RANBP2: variants seen among roughly 807,000 people sequenced by gnomAD.
The protein encoded by RANBP2 is E3 SUMO-protein ligase RanBP2.
A neutral mutation model predicts 303.6 loss-of-function variants in RANBP2; 57 were observed. The ratio of observed to expected loss-of-function variants is 0.19; its 90% CI spans 0.15 to 0.23. RANBP2 has a LOEUF of 0.23. Among genes scored for constraint, RANBP2 ranks in the 10% least tolerant of loss-of-function variants. The pLI, the probability that RANBP2 is intolerant of heterozygous loss-of-function variation, is 1.00. For synonymous variants in RANBP2, 1,167 were observed against 1,301.5 expected (o/e 0.90, Z 2.23); for missense variants, 3,138 against 3,780.8 (o/e 0.83, Z 4.46).
chr2:109,226,479 T>C, the RANBP2 span, among the ~76,000 whole-genome samples: 1 of 152,236 alleles, frequency 6.6e-6, no homozygotes, highest in Non-Finnish European at 1.5e-5. Context: ...CCTGCTGACC[T>C]CTTAAGACAT....
chr2:109,509,186 G>A, the RANBP2 span, among the ~76,000 whole-genome samples: 1 of 152,186 alleles, frequency 6.6e-6, no homozygotes, highest in Non-Finnish European at 1.5e-5. Flanking sequence ...TCACGGAGAT[G>A]AATCCAGGCA....
At chr2:108,873,327 TATGAAAAGA>T in the RANBP2 span, 2 of 888,760 alleles carry the variant, frequency 2.3e-6, no homozygotes, top group Admixed American at 3.2e-5. Flanking sequence ...AAAATTTAAG[TATGAAAAGA>T]ATGAAAATCT....
the RANBP2 span, among the ~76,000 whole-genome samples, chr2:108,900,183 G>A: frequency 6.6e-6 from 1 of 152,188 alleles, no homozygotes; most frequent in Non-Finnish European, 1.5e-5. Flanking sequence ...ATGAAAAACA[G>A]AGACAACAAA....
the RANBP2 span, chr2:108,897,246 C>A: frequency 1.9e-6 from 3 of 1,607,766 alleles, no homozygotes. Flanking sequence ...ACACCAATGG[C>A]CACAGTTAGA....
chr2:109,222,448 C>T, the RANBP2 span, among the ~76,000 whole-genome samples: 28 of 152,058 alleles, frequency 1.8e-4, no homozygotes, highest in Non-Finnish European at 4.1e-4. Flanking sequence ...TATATGTACC[C>T]CATAAATATG....
the RANBP2 span, among the ~76,000 whole-genome samples, chr2:108,980,379 C>T: frequency 1.3e-5 from 2 of 152,232 alleles, no homozygotes; most frequent in Non-Finnish European, 2.9e-5. Context: ...CACTAATGCT[C>T]TGGTGGGCAC....
the RANBP2 span, among the ~76,000 whole-genome samples, chr2:109,726,477 C>T: frequency 6.6e-6 from 1 of 151,958 alleles, no homozygotes; most frequent in Non-Finnish European, 1.5e-5. Flanking sequence ...GGTGATGATG[C>T]CCCCTCCAGG....
At chr2:109,375,792 G>A in the RANBP2 span, among the ~76,000 whole-genome samples, 4 of 152,216 alleles carry the variant, frequency 2.6e-5, no homozygotes, top group African/African-American at 7.2e-5. Context: ...GTCAGGCCTC[G>A]GCCCAGCCCT....
chr2:109,366,376 C>T, the RANBP2 span, among the ~76,000 whole-genome samples: 1 of 152,092 alleles, frequency 6.6e-6, no homozygotes, highest in Non-Finnish European at 1.5e-5. Flanking sequence ...TGTACTGTCA[C>T]TAAATGATCT....
the RANBP2 span, among the ~76,000 whole-genome samples, chr2:109,210,737 G>T: frequency 6.6e-6 from 1 of 152,166 alleles, no homozygotes; most frequent in African/African-American, 2.4e-5. Flanking sequence ...GTGTAGGCAG[G>T]GAGGAAAGGG....
At chr2:109,078,530 G>C in the RANBP2 span, among the ~76,000 whole-genome samples, 2 of 149,042 alleles carry the variant, frequency 1.3e-5, no homozygotes, top group South Asian at 2.1e-4. Flanking sequence ...GGGGGTAATT[G>C]TGGTGATGTT....
chr2:109,603,823 C>T, the RANBP2 span, among the ~76,000 whole-genome samples: 1 of 151,942 alleles, frequency 6.6e-6, no homozygotes, highest in South Asian at 2.1e-4. Context: ...GTCCTGAGGT[C>T]AGCAGTTCGA....
chr2:109,273,965 G>A, the RANBP2 span, among the ~76,000 whole-genome samples: 5 of 152,284 alleles, frequency 3.3e-5, no homozygotes, highest in Non-Finnish European at 7.3e-5. Flanking sequence ...TATGGAAAAT[G>A]GAATACTAAT....
chr2:109,540,692 T>C, the RANBP2 span, among the ~76,000 whole-genome samples: 1 of 148,328 alleles, frequency 6.7e-6, no homozygotes, highest in Non-Finnish European at 1.5e-5. Context: ...TTGGGCATGG[T>C]GATGTGCCTA....
At chr2:108,733,715 C>T (rs1163986221) in intron 4 of RANBP2, among the ~76,000 whole-genome samples, 2 of 152,092 alleles carry the variant, frequency 1.3e-5, no homozygotes, top group Non-Finnish European at 2.9e-5. Context: ...AATCTGGTGT[C>T]AGTAGTGTTA....
At chr2:109,166,463 A>AAAT in the RANBP2 span, among the ~76,000 whole-genome samples, 1 of 151,296 alleles carries the variant, frequency 6.6e-6, no homozygotes, top group Non-Finnish European at 1.5e-5. Flanking sequence ...GTGACAGAAA[A>AAAT]AAAAAAAAAA....
chr2:108,864,027 G>A, the RANBP2 span, among the ~76,000 whole-genome samples: 1 of 151,992 alleles, frequency 6.6e-6, no homozygotes, highest in African/African-American at 2.4e-5. Context: ...ATGAAAGGCT[G>A]GTCTTTCTCA....
chr2:109,487,747 G>A, the RANBP2 span, among the ~76,000 whole-genome samples: 1 of 152,144 alleles, frequency 6.6e-6, no homozygotes, highest in African/African-American at 2.4e-5. Flanking sequence ...GCAAGAATCT[G>A]CCCACCGAGT....
chr2:108,872,410 A>G, the RANBP2 span, among the ~76,000 whole-genome samples: 1 of 152,222 alleles, frequency 6.6e-6, no homozygotes, highest in African/African-American at 2.4e-5. Flanking sequence ...TGTGAAAGTA[A>G]TGAGTTTGGT....
Sources: gnomAD v4.1 joint callset for allele counts (sites outside exome capture counted in the v4.1 genomes callset) on GRCh38, gnomAD v4.1.1 for gene constraint, MANE v1.5 for transcripts, NCBI Gene and HGNC (gene_info 2026-07-23, HGNC 2026-07-21) for gene names.